Variants in RET observed in about 807,000 individuals in gnomAD.
RET encodes ret proto-oncogene.
In RET, 19 loss-of-function variants were observed where a neutral mutation model predicts 118.3. That is an observed-to-expected ratio of 0.16 (90% CI 0.11 to 0.24). RET has a LOEUF of 0.24. Among genes scored for constraint, RET ranks in the 10% least tolerant of loss-of-function variants. The probability of loss-of-function intolerance (pLI) is 1.00; values close to 1 mark genes in which losing one functional copy is unlikely to be tolerated. For synonymous variants in RET, 597 were observed against 644.1 expected, an observed-to-expected ratio of 0.93 and a Z score of 1.11; for missense variants, 1,219 against 1,502.1, an observed-to-expected ratio of 0.81 and a Z score of 3.12.
chr10:43,093,117 T>C (rs1336625816), intron 1 of RET, among the ~76,000 whole-genome samples: 1 of 152,082 alleles, frequency 6.6e-6, no homozygotes, highest in East Asian at 1.9e-4. Context: ...AGGCACCCTG[T>C]AAGAGTGAGG....
At chr10:43,109,936 C>T (rs1837877212) in intron 6 of RET, among the ~76,000 whole-genome samples, 1 of 152,212 alleles carries the variant, frequency 6.6e-6, no homozygotes, top group Non-Finnish European at 1.5e-5. Context: ...CGCATGTTCT[C>T]GCATGCCGCT....
intron 1 of RET, among the ~76,000 whole-genome samples, chr10:43,077,615 G>C (rs1268883026): frequency 2.0e-5 from 3 of 152,010 alleles, no homozygotes; most frequent in Admixed American, 6.5e-5. Flanking sequence ...AGCCATAGCC[G>C]CAGGTCTCAA....
rs1319956362 is a variant in RET at position 43,112,901 on chromosome 10, C to T, written c.1697C>T (p.Pro566Leu). Residue 566 changes from proline to leucine, a missense_variant, in exon 9 of 20, where the codon CCC (proline) becomes CTC (leucine). This residue lies in a region of RET where 850 missense variants were observed against 969.6 expected (regional missense o/e 0.88). Transcript: ENST00000355710. Reference sequence around the variant, plus strand: ...TGCTCTCCCAGCACCAAGACCTGCCCCGACGGCCACTGCGATGTTGTGGAG... The same window carrying T: ...TGCTCTCCCAGCACCAAGACCTGCCTCGACGGCCACTGCGATGTTGTGGAG... ...STCSPSTKTCPDGHCDVVETQ... is the reference protein window; with the variant it reads ...STCSPSTKTCLDGHCDVVETQ... 6.2e-7 allele frequency: 1 copy of T among 1,614,138 alleles called. No homozygotes were observed. Among genetic ancestry groups the T allele is most frequent in the Admixed American group, 1.7e-5 (1 of 60,014 alleles).
intron 1 of RET, among the ~76,000 whole-genome samples, chr10:43,087,129 G>A (rs1217578674): frequency 6.6e-6 from 1 of 152,206 alleles, no homozygotes; most frequent in Non-Finnish European, 1.5e-5. Context: ...TACAGCAGGG[G>A]CTCAGACTGG....
At chr10:43,099,472 T>C (rs1241553502) in intron 1 of RET, among the ~76,000 whole-genome samples, 1 of 151,292 alleles carries the variant, frequency 6.6e-6, no homozygotes, top group Non-Finnish European at 1.5e-5. Context: ...GATTGCACCA[T>C]TGCATTCCAG....
At chr10:43,122,614 T>A (rs1222863828) in intron 16 of RET, among the ~76,000 whole-genome samples, 4 of 152,142 alleles carry the variant, frequency 2.6e-5, no homozygotes, top group Non-Finnish European at 5.9e-5. Flanking sequence ...CTCTCTTTTT[T>A]TGTGGGGGGA....
Position 43,106,271 on chromosome 10 carries a change from C to T in RET, c.868-105C>T. The T allele has an allele frequency of 9.0e-7, 1 of 1,115,394 alleles. No individual in the cohort carries two copies. The highest frequency in any genetic ancestry group is 1.3e-6 in the Non-Finnish European group (1 of 758,656). The allele number at this position is 1,115,394 out of a possible 1,614,324, so 69.1% of individuals were successfully genotyped here. ...TGGCTCTGACAACACACATCTGGTCCACCTATGGGCTGTGTGGGACGTGCA... is the reference window on the plus strand; with the variant it reads ...TGGCTCTGACAACACACATCTGGTCTACCTATGGGCTGTGTGGGACGTGCA... On this transcript the variant is annotated intron_variant, in intron 4 of 19. Coordinates refer to ENST00000355710, the MANE Select transcript of RET (RefSeq NM_020975.6). This position sits in a 1 kb window ranked among gnomAD's most constrained non-coding sequence, Gnocchi z 5.1.
chr10:43,085,626 A>C (rs1399649170), intron 1 of RET, among the ~76,000 whole-genome samples: 1 of 152,118 alleles, frequency 6.6e-6, no homozygotes, highest in East Asian at 1.9e-4. Context: ...AGGAGCTTAC[A>C]CATCAGTGCA....
At chr10:43,085,779 A>G (rs369576201) in intron 1 of RET, among the ~76,000 whole-genome samples, 19 of 142,572 alleles carry the variant, frequency 1.3e-4, no homozygotes, top group East Asian at 6.1e-4. Context: ...TTGGGTTTGG[A>G]TTCTTCTTCA....
At chr10:43,119,046 C>T (rs1838140437) in intron 13 of RET, among the ~76,000 whole-genome samples, 1 of 152,212 alleles carries the variant, frequency 6.6e-6, no homozygotes, top group African/African-American at 2.4e-5. Context: ...CGGGAGTGCG[C>T]AGCAGGCACT....
intron 1 of RET, among the ~76,000 whole-genome samples, chr10:43,078,984 G>A (rs1837116561): frequency 6.6e-6 from 1 of 152,198 alleles, no homozygotes; most frequent in Non-Finnish European, 1.5e-5. Context: ...TTTCCCAGGA[G>A]CCACAGCTCC....
intron 5 of RET, among the ~76,000 whole-genome samples, chr10:43,108,467 T>G (rs1239810596): frequency 6.6e-6 from 1 of 152,232 alleles, no homozygotes; most frequent in Non-Finnish European, 1.5e-5. Flanking sequence ...TTAATGTTAA[T>G]GCCGGTCAGT....
At chr10:43,093,951 G>T (rs1310377378) in intron 1 of RET, among the ~76,000 whole-genome samples, 1 of 152,050 alleles carries the variant, frequency 6.6e-6, no homozygotes, top group Non-Finnish European at 1.5e-5. Flanking sequence ...GCAGCAGTGT[G>T]GCCAAGCATC....
At chr10:43,081,994 G>C (rs956349598) in intron 1 of RET, among the ~76,000 whole-genome samples, 1 of 152,200 alleles carries the variant, frequency 6.6e-6, no homozygotes, top group African/African-American at 2.4e-5. Context: ...GCCAGGCCTG[G>C]GCACTTGGAT....
rs990520144 is a variant in RET at position 43,128,365 on chromosome 10, G to A, written c.*96G>A. The A allele has an allele frequency of 9.0e-6, 13 of 1,447,182 alleles. No individual in the cohort carries two copies. Among genetic ancestry groups the A allele is most frequent in the East Asian group, 4.6e-5 (2 of 43,812 alleles). The allele number at this position is 1,447,182 out of a possible 1,614,324, so 89.6% of individuals were successfully genotyped here. ...TTTCTTTGTGAACGTCACATTGGCCGAGCCGTGTTCAGTTCCCAGGTGGCA... is the reference window on the plus strand; with the variant it reads ...TTTCTTTGTGAACGTCACATTGGCCAAGCCGTGTTCAGTTCCCAGGTGGCA... On this transcript the variant is annotated 3_prime_UTR_variant, in exon 20 of 20. Transcript: ENST00000355710.
chr10:43,106,267 G>A lies in RET; in HGVS notation c.868-109G>A. Reference sequence around the variant, plus strand: ...GACCTGGCTCTGACAACACACATCTGGTCCACCTATGGGCTGTGTGGGACG... The same window carrying A: ...GACCTGGCTCTGACAACACACATCTAGTCCACCTATGGGCTGTGTGGGACG... On this transcript the variant is annotated intron_variant, in intron 4 of 19. Coordinates refer to ENST00000355710, the MANE Select transcript of RET (RefSeq NM_020975.6). This position sits in a 1 kb window ranked among gnomAD's most constrained non-coding sequence, Gnocchi z 5.1. 1.8e-6 allele frequency: 2 copies of A among 1,083,266 alleles called. No homozygotes were observed. The highest frequency in any genetic ancestry group is 1.3e-5 in the South Asian group (1 of 75,516). 67.1% of individuals were successfully genotyped at this position (1,083,266 alleles called of 1,614,324 possible).
chr10:43,115,524 G>A (rs558580614), intron 11 of RET, among the ~76,000 whole-genome samples: 1 of 152,364 alleles, frequency 6.6e-6, no homozygotes, highest in East Asian at 1.9e-4. Flanking sequence ...TTCCTAATTG[G>A]TGGTCCCCAT....
At chr10:43,116,758 C>T in intron 12 of RET, 27 bp downstream of exon 12, 2 of 1,609,384 alleles carry the variant, frequency 1.2e-6, no homozygotes, top group East Asian at 2.2e-5. Flanking sequence ...GGCACAGTGC[C>T]CCTGGGGGAG....
Position 43,126,818 on chromosome 10 carries a change from G to C in RET, c.3187+96G>C. ...TGCTTTTTAAAAATGTTTCTGGTCT[G>C]AACAAAACCAAAGTCTGCTCTGAAC... On this transcript the variant is annotated intron_variant, in intron 19 of 19. Coordinates refer to ENST00000355710, the MANE Select transcript of RET (RefSeq NM_020975.6). 1.9e-6 allele frequency: 3 copies of C among 1,539,084 alleles called. No individual in the cohort carries two copies. The South Asian group carries it at 3.6e-5, about 18-fold the overall frequency.
Sources: gnomAD v4.1 joint callset for allele counts (sites outside exome capture counted in the v4.1 genomes callset) on GRCh38, gnomAD v4.1.1 for gene constraint, gnomAD v4.1.1 regional missense constraint, Gnocchi (gnomAD v3.1) non-coding constraint, MANE v1.5 for transcripts, NCBI Gene and HGNC (gene_info 2026-07-23, HGNC 2026-07-21) for gene names.